BMERB1: variants seen among roughly 807,000 people sequenced by gnomAD.
BMERB1 encodes bMERB domain containing 1.
In BMERB1, 12 loss-of-function variants were observed where a neutral mutation model predicts 23.6. The observed-to-expected ratio is 0.51, with a 90% CI of 0.33 to 0.82. BMERB1 has a LOEUF of 0.82. Ranked by LOEUF, BMERB1 falls within the 40% of genes least tolerant of loss-of-function variation. The probability of loss-of-function intolerance (pLI) is 0.03; values close to 1 mark genes in which losing one functional copy is unlikely to be tolerated. For synonymous variants in BMERB1, 122 were observed against 96.6 expected, an observed-to-expected ratio of 1.26 and a Z score of -1.54; for missense variants, 247 against 255.4, an observed-to-expected ratio of 0.97 and a Z score of 0.22.
At chr16:15,535,056 A>G (rs1426427509) in intron 2 of BMERB1, among the ~76,000 whole-genome samples, 1 of 152,136 alleles carries the variant, frequency 6.6e-6, no homozygotes, top group Non-Finnish European at 1.5e-5. Context: ...GCAATATTCT[A>G]TTAAAAATTT....
At chr16:15,500,465 A>G (rs2051517217) in intron 1 of BMERB1, among the ~76,000 whole-genome samples, 1 of 152,056 alleles carries the variant, frequency 6.6e-6, no homozygotes, top group African/African-American at 2.4e-5. Flanking sequence ...CTTTCATGAG[A>G]GCAGTTAAGA....
intron 1 of BMERB1, among the ~76,000 whole-genome samples, chr16:15,499,229 C>T (rs1202357587): frequency 6.6e-6 from 1 of 152,046 alleles, no homozygotes; most frequent in Non-Finnish European, 1.5e-5. Context: ...GAAACTCTGT[C>T]TCTACCAAAA....
chr16:15,586,571 C>T (rs2031148820), intron 5 of BMERB1, 146 bp from the exon 6 acceptor site: 2 of 690,412 alleles, frequency 2.9e-6, no homozygotes, highest in Non-Finnish European at 2.6e-6. Context: ...TGCATCAGCT[C>T]TCCATACCAC....
At chr16:15,524,722 G>A (rs2051890040) in intron 2 of BMERB1, among the ~76,000 whole-genome samples, 1 of 152,234 alleles carries the variant, frequency 6.6e-6, no homozygotes, top group South Asian at 2.1e-4. Context: ...CATGAGCCAA[G>A]ATTGTGCCAC....
At chr16:15,531,379 C>G (rs1342462732) in intron 2 of BMERB1, among the ~76,000 whole-genome samples, 2 of 152,178 alleles carry the variant, frequency 1.3e-5, no homozygotes, top group South Asian at 2.1e-4. Context: ...GAAGCATGAG[C>G]CACCATGCCT....
intron 1 of BMERB1, among the ~76,000 whole-genome samples, chr16:15,509,974 GA>G (rs1420949572): frequency 6.6e-6 from 1 of 152,148 alleles, no homozygotes; most frequent in Non-Finnish European, 1.5e-5. Context: ...AAGAACCTGT[GA>G]AAACAGAGGC....
intron 1 of BMERB1, among the ~76,000 whole-genome samples, chr16:15,498,907 A>T (rs1357455453): frequency 6.6e-6 from 1 of 152,222 alleles, no homozygotes; most frequent in Non-Finnish European, 1.5e-5. Flanking sequence ...CAGCACAAAG[A>T]AGCGTCCAAC....
chr16:15,570,516 C>T (rs1201081712), intron 3 of BMERB1, among the ~76,000 whole-genome samples: 1 of 152,104 alleles, frequency 6.6e-6, no homozygotes, highest in Non-Finnish European at 1.5e-5. Flanking sequence ...CCTCTACCCA[C>T]TACAGGCCAT....
chr16:15,492,109 C>G (rs1457734332), intron 1 of BMERB1, among the ~76,000 whole-genome samples: 1 of 152,196 alleles, frequency 6.6e-6, no homozygotes. Context: ...GACCCTGTGT[C>G]TTTGAAAGGA....
At chr16:15,476,864 G>A (rs1314431906) in intron 1 of BMERB1, among the ~76,000 whole-genome samples, 1 of 152,148 alleles carries the variant, frequency 6.6e-6, no homozygotes, top group Non-Finnish European at 1.5e-5. Context: ...GGGAATCAGA[G>A]CATCACCACC....
chr16:15,532,884 A>T (rs1368982562), intron 2 of BMERB1: 5 of 405,390 alleles, frequency 1.2e-5, no homozygotes, highest in African/African-American at 1.0e-4. Context: ...CTGGTCTTGG[A>T]TGGGGTTGCT....
intron 2 of BMERB1, among the ~76,000 whole-genome samples, chr16:15,523,064 G>C (rs1351558685): frequency 6.6e-6 from 1 of 152,124 alleles, no homozygotes; most frequent in Non-Finnish European, 1.5e-5. Flanking sequence ...GCAGATGGGG[G>C]AAGCCAGAAG....
intron 2 of BMERB1, among the ~76,000 whole-genome samples, chr16:15,530,809 C>T (rs933578768): frequency 1.3e-5 from 2 of 152,062 alleles, no homozygotes; most frequent in Non-Finnish European, 2.9e-5. Flanking sequence ...CTCCTGCCGC[C>T]TGGTGAAGAG....
At chr16:15,547,579 A>G (rs1207298450) in intron 2 of BMERB1, among the ~76,000 whole-genome samples, 1 of 151,798 alleles carries the variant, frequency 6.6e-6, no homozygotes, top group Non-Finnish European at 1.5e-5. Context: ...CTCCTGAACA[A>G]GGTGATGCAT....
At chr16:15,514,401 G>T (rs28374159) in intron 1 of BMERB1, among the ~76,000 whole-genome samples, 2 of 152,186 alleles carry the variant, frequency 1.3e-5, no homozygotes, top group African/African-American at 4.8e-5. Context: ...TCGTGGTCAG[G>T]GGGAGCAGAG....
intron 2 of BMERB1, among the ~76,000 whole-genome samples, chr16:15,563,724 TAAAC>T (rs752987886): frequency 1.1e-4 from 16 of 152,070 alleles, no homozygotes; most frequent in East Asian, 1.9e-4. Flanking sequence ...TACACACACT[TAAAC>T]AACCAGATCT....
intron 1 of BMERB1, among the ~76,000 whole-genome samples, chr16:15,497,867 A>C (rs76630793): frequency 0.024 from 3,651 of 151,946 alleles, 58 homozygotes; most frequent in Non-Finnish European, 0.04. Context: ...AGCAGCGTTC[A>C]CTCTCCTGCC....
At chr16:15,575,700 A>G (rs1042363733) in intron 3 of BMERB1, among the ~76,000 whole-genome samples, 6 of 152,186 alleles carry the variant, frequency 3.9e-5, no homozygotes, top group East Asian at 3.9e-4. Flanking sequence ...AGGAGCCCCA[A>G]TACAGAATTT....
At chr16:15,502,715 A>G (rs1049279522) in intron 1 of BMERB1, among the ~76,000 whole-genome samples, 1 of 152,018 alleles carries the variant, frequency 6.6e-6, no homozygotes, top group Non-Finnish European at 1.5e-5. Context: ...CTTGGGATTC[A>G]AGACTCTCTT....
Sources: allele counts gnomAD v4.1 joint callset (sites outside exome capture counted in the v4.1 genomes callset), GRCh38; gene constraint gnomAD v4.1.1; transcripts MANE v1.5; gene names NCBI Gene and HGNC (gene_info 2026-07-23, HGNC 2026-07-21).